The following CACNA1C variants were observed in gnomAD, a reference collection of about 807,000 sequenced individuals.
The protein encoded by CACNA1C is voltage-dependent L-type calcium channel subunit alpha-1C.
CACNA1C carries 30 observed loss-of-function variants against 229.0 expected under a neutral mutation model. The observed-to-expected ratio is 0.13, with a 90% confidence interval of 0.10 to 0.18. The LOEUF is 0.18. CACNA1C is among the 10% of genes least tolerant of loss of function. CACNA1C has a pLI of 1.00. For missense variants in CACNA1C, 1,658 were observed against 2,845.0 expected (o/e 0.58, Z 9.49); for synonymous variants, 1,114 against 1,132.5 (o/e 0.98, Z 0.33).
At chr12:1,981,338 T>C (rs925422416) in intron 1 of CACNA1C, among the ~76,000 whole-genome samples, 1 of 152,220 alleles carries the variant, frequency 6.6e-6, no homozygotes, top group African/African-American at 2.4e-5. Context: ...CAGCCATAGC[T>C]TTGAATAAAG....
At chr12:2,051,666 G>A (rs2052256114), upstream of CACNA1C, among the ~76,000 whole-genome samples, 1 of 152,180 alleles carries the variant, frequency 6.6e-6, no homozygotes, top group Non-Finnish European at 1.5e-5. Context: ...GACGTGGAAT[G>A]ATGAGAGAAA....
intron 1 of CACNA1C, among the ~76,000 whole-genome samples, chr12:2,083,837 T>G (rs2066574515): frequency 6.6e-6 from 1 of 152,224 alleles, no homozygotes; most frequent in African/African-American, 2.4e-5. Flanking sequence ...ATATATTAAA[T>G]GCATGTATTC....
intron 1 of CACNA1C, among the ~76,000 whole-genome samples, chr12:2,073,204 G>A (rs1167995699): frequency 1.3e-5 from 2 of 152,194 alleles, no homozygotes; most frequent in Non-Finnish European, 2.9e-5. Context: ...TTAAAAAAAC[G>A]TGGTCCAACA....
chr12:2,029,432 G>A lies in CACNA1C; in HGVS notation c.139+58231G>A, dbSNP rs1294992187. On this transcript the variant is annotated intron_variant, in intron 1 of 46. Transcript: ENST00000682462. The surrounding 1 kb of genome is among the most constrained non-coding windows in gnomAD (Gnocchi z 4.9). ...CATTAAGAAGACACTCCCTATTCCC[G>A]CCTCACCCAGGGCCCTGGCAGCCAC... Among the ~76,000 whole-genome samples the A allele has an allele frequency of 1.3e-5, 2 of 151,982 alleles. No homozygotes were observed. Among genetic ancestry groups the A allele is most frequent in the African/African-American group, 2.4e-5 (1 of 41,354 alleles).
chr12:2,146,284 G>A (rs540470592), intron 3 of CACNA1C, among the ~76,000 whole-genome samples: 30 of 151,074 alleles, frequency 2.0e-4, no homozygotes, highest in Admixed American at 4.0e-4. Context: ...ATCTCTCCGC[G>A]CCTTTCTGGC....
intron 3 of CACNA1C, among the ~76,000 whole-genome samples, chr12:2,380,682 C>T (rs141551374): frequency 2.0e-5 from 3 of 152,284 alleles, no homozygotes; most frequent in African/African-American, 2.4e-5. Context: ...AAGGCTGGCA[C>T]GAAAGGGCTC....
chr12:2,484,734 C>T (rs994077612), intron 5 of CACNA1C, among the ~76,000 whole-genome samples: 6 of 133,836 alleles, frequency 4.5e-5, no homozygotes, highest in African/African-American at 1.7e-4. Flanking sequence ...CCCTGAAAGC[C>T]GCTTTGCAGT....
chr12:2,548,629 T>A (rs762168172), intron 9 of CACNA1C, among the ~76,000 whole-genome samples: 1 of 152,228 alleles, frequency 6.6e-6, no homozygotes, highest in Non-Finnish European at 1.5e-5. Flanking sequence ...AGGTCTCTCA[T>A]ACACAACAGT....
chr12:2,311,603 G>A (rs935019695), intron 3 of CACNA1C, among the ~76,000 whole-genome samples: 2 of 152,152 alleles, frequency 1.3e-5, no homozygotes, highest in African/African-American at 4.8e-5. Context: ...TGGGCATCAC[G>A]GGGAACCAAG....
rs868796969 is a variant in CACNA1C, at chr12:2,647,848, C to T, written c.3913-627C>T. Among the ~76,000 whole-genome samples, 7 of 152,182 alleles carry T rather than the reference C, an allele frequency of 4.6e-5. No individual in the cohort carries two copies. The highest frequency in any genetic ancestry group is 1.7e-4 in the African/African-American group (7 of 41,430). On this transcript the variant is annotated intron_variant, in intron 30 of 46. Coordinates refer to ENST00000399655, the MANE Select transcript of CACNA1C (RefSeq NM_000719.7). The surrounding 1 kb of genome is among the most constrained non-coding windows in gnomAD (Gnocchi z 4.2). ...AAAAAACAAATTAAAACAGGCTTGG[C>T]ACAGTGGCTTACACCGGTAATCCCA...
At position 2,152,982 on chromosome 12, in the gene CACNA1C, G is replaced by T. The variant is rs2095364070; in HGVS notation, c.477+32552G>T. 6.6e-6 allele frequency among the ~76,000 whole-genome samples: 1 copy of T among 152,198 alleles called. No homozygotes were observed. Among genetic ancestry groups the T allele is most frequent in the Non-Finnish European group, 1.5e-5 (1 of 68,044 alleles). On this transcript the variant is annotated intron_variant, in intron 3 of 46. Coordinates refer to ENST00000399655, the MANE Select transcript of CACNA1C (RefSeq NM_000719.7). This position sits in a 1 kb window ranked among gnomAD's most constrained non-coding sequence, Gnocchi z 4.2. ...AAATTGGGAGGTGAAAGCTCAAGGA[G>T]GTAGTTACAAAGCAAAGGAAAACAA...
At chr12:2,542,363 A>G (rs1488782315) in intron 9 of CACNA1C, among the ~76,000 whole-genome samples, 1 of 152,232 alleles carries the variant, frequency 6.6e-6, no homozygotes, top group Non-Finnish European at 1.5e-5. Flanking sequence ...TGCTTTCAGC[A>G]ATACAGGGAA....
chr12:2,126,095 A>G (rs1341025642), intron 3 of CACNA1C, among the ~76,000 whole-genome samples: 1 of 152,176 alleles, frequency 6.6e-6, no homozygotes, highest in African/African-American at 2.4e-5. Context: ...TCTGTTTCCA[A>G]GAGATGAAAA....
At chr12:2,546,612 C>T (rs1198470562) in intron 9 of CACNA1C, among the ~76,000 whole-genome samples, 2 of 152,272 alleles carry the variant, frequency 1.3e-5, no homozygotes, top group Non-Finnish European at 2.9e-5. Context: ...GGTGTCTTCA[C>T]GCCCTCCCAT....
At chr12:2,026,675 G>A (rs189396601) in intron 1 of CACNA1C, among the ~76,000 whole-genome samples, 3 of 152,248 alleles carry the variant, frequency 2.0e-5, no homozygotes, top group Admixed American at 2.0e-4. Context: ...TGTACAAATG[G>A]TGTATGCTTT....
At chr12:2,279,905 T>C (rs558775081) in intron 3 of CACNA1C, among the ~76,000 whole-genome samples, 93 of 152,320 alleles carry the variant, frequency 6.1e-4, no homozygotes, top group African/African-American at 2.1e-3. Context: ...CATCTGAGGA[T>C]TTGGGTATCT....
chr12:2,158,603 G>T (rs985201044), intron 3 of CACNA1C, among the ~76,000 whole-genome samples: 11 of 152,208 alleles, frequency 7.2e-5, no homozygotes, highest in Non-Finnish European at 1.3e-4. Flanking sequence ...CCGCAGCCAT[G>T]TGGGAAGCTA....
At chr12:2,109,289 G>A (rs1202369763) in intron 1 of CACNA1C, among the ~76,000 whole-genome samples, 1 of 152,194 alleles carries the variant, frequency 6.6e-6, no homozygotes, top group East Asian at 1.9e-4. Context: ...TGGAGGCAGG[G>A]AAGTGGGGAG....
chr12:2,163,884 G>T (rs149181647), intron 3 of CACNA1C, among the ~76,000 whole-genome samples: 129 of 152,306 alleles, frequency 8.5e-4, no homozygotes, highest in Middle Eastern at 3.4e-3. Flanking sequence ...GGCTTCTCGG[G>T]CTCTGGGTCC....
Sources: allele counts gnomAD v4.1 joint callset (sites outside exome capture counted in the v4.1 genomes callset), GRCh38; gene constraint gnomAD v4.1.1; non-coding constraint Gnocchi (gnomAD v3.1); transcripts MANE v1.5; gene names NCBI Gene and HGNC (gene_info 2026-07-23, HGNC 2026-07-21).